DACH1: variants seen among roughly 807,000 people sequenced by gnomAD.
DACH1 encodes the protein dachshund homolog 1.
Under a neutral mutation model 54.2 loss-of-function variants are expected in DACH1, and 12 were observed. That is an observed-to-expected ratio of 0.22 (90% CI 0.14 to 0.36). The LOEUF is 0.36. Ranked by LOEUF, DACH1 falls within the 10% of genes least tolerant of loss-of-function variation. The probability of loss-of-function intolerance (pLI) is 1.00; values close to 1 mark genes in which losing one functional copy is unlikely to be tolerated. For synonymous variants in DACH1, 386 were observed against 366.2 expected, an observed-to-expected ratio of 1.05 and a Z score of -0.62; for missense variants, 805 against 929.8, an observed-to-expected ratio of 0.87 and a Z score of 1.75.
At chr13:71,458,303 A>T (rs1875765307) in intron 10 of DACH1, among the ~76,000 whole-genome samples, 1 of 151,834 alleles carries the variant, frequency 6.6e-6, no homozygotes, top group African/African-American at 2.4e-5. Flanking sequence ...GTTTGCAAAA[A>T]TTTTGCAAAA....
At chr13:71,799,025 C>G (rs1353953022) in intron 1 of DACH1, among the ~76,000 whole-genome samples, 2 of 152,018 alleles carry the variant, frequency 1.3e-5, no homozygotes, top group Non-Finnish European at 2.9e-5. Context: ...AGAAGCATTC[C>G]AGAGACACAA....
At chr13:71,623,318 T>C (rs1445240154) in intron 3 of DACH1, among the ~76,000 whole-genome samples, 1 of 151,692 alleles carries the variant, frequency 6.6e-6, no homozygotes, top group Non-Finnish European at 1.5e-5. Context: ...TGATCAGTTA[T>C]TAATATACTC....
At chr13:71,609,572 T>C (rs1330973024) in intron 3 of DACH1, among the ~76,000 whole-genome samples, 4 of 152,052 alleles carry the variant, frequency 2.6e-5, no homozygotes, top group African/African-American at 9.6e-5. Flanking sequence ...GGAGTTTTGC[T>C]CTTGTAGCCC....
chr13:71,791,308 C>G lies in DACH1; in HGVS notation c.848+74614G>C, dbSNP rs149658920. 1.8e-4 allele frequency among the ~76,000 whole-genome samples: 28 copies of G among 152,218 alleles called. No individual in the cohort carries two copies. In the East Asian group the frequency reaches 2.7e-3, roughly 15 times the overall value. Reference sequence around the variant, plus strand: ...GAAATATTATCTTCTGAGGCTAATGCAGATTATTTTCTTGATAATTTATTT... The same window carrying G: ...GAAATATTATCTTCTGAGGCTAATGGAGATTATTTTCTTGATAATTTATTT... On this transcript the variant is annotated intron_variant, in intron 1 of 10. Coordinates refer to ENST00000613252, the MANE Select transcript of DACH1 (RefSeq NM_080759.6).
chr13:71,523,387 TA>T (rs564324398), intron 6 of DACH1, among the ~76,000 whole-genome samples: 1 of 152,198 alleles, frequency 6.6e-6, no homozygotes. Context: ...GGTGAGCTGC[TA>T]AAAGGGGCAG....
chr13:71,440,819 C>A, intron 10 of DACH1, 127 bp from the exon 11 acceptor site: 1 of 666,156 alleles, frequency 1.5e-6, no homozygotes, highest in Non-Finnish European at 2.5e-6. Flanking sequence ...TAAGAAGTAA[C>A]ATTTTTCATA....
At chr13:71,651,674 CTGTATCTGTATA>C (rs55723828) in intron 2 of DACH1, among the ~76,000 whole-genome samples, 22,894 of 135,042 alleles carry the variant, frequency 0.17, 1,861 homozygotes, top group African/African-American at 0.26. Context: ...GTATCTGTAT[CTGTATCTGTATA>C]TGTATATGTA....
At chr13:71,746,757 A>C (rs1884618689) in intron 1 of DACH1, among the ~76,000 whole-genome samples, 1 of 152,204 alleles carries the variant, frequency 6.6e-6, no homozygotes, top group East Asian at 1.9e-4. Flanking sequence ...GTAAGGTTAG[A>C]GAAGTTTCTG....
intron 1 of DACH1, among the ~76,000 whole-genome samples, chr13:71,722,949 T>C (rs1031941730): frequency 3.3e-5 from 5 of 152,118 alleles, no homozygotes; most frequent in Admixed American, 3.3e-4. Flanking sequence ...AATATCTCTG[T>C]TATTTGGAGA....
chr13:71,715,455 G>C (rs974298793), intron 1 of DACH1, among the ~76,000 whole-genome samples: 2 of 152,086 alleles, frequency 1.3e-5, no homozygotes, highest in Non-Finnish European at 2.9e-5. Context: ...ATGCTGCTCT[G>C]TTCAGGGTAC....
intron 10 of DACH1, among the ~76,000 whole-genome samples, chr13:71,470,622 C>T (rs1593744927): frequency 6.6e-6 from 1 of 151,988 alleles, no homozygotes; most frequent in African/African-American, 2.4e-5. Flanking sequence ...CCACCGCACC[C>T]GGTCTAATTC....
At chr13:71,846,125 G>T in intron 1 of DACH1, 1 of 177,878 alleles carries the variant, frequency 5.6e-6, no homozygotes, top group Non-Finnish European at 1.3e-5. Context: ...GGCAAGAGAT[G>T]CGCTTATGTA....
rs183374193 is a variant in DACH1, at chr13:71,725,834, G to A, written c.849-43924C>T. On this transcript the variant is annotated intron_variant, in intron 1 of 10. Coordinates refer to ENST00000613252, the MANE Select transcript of DACH1 (RefSeq NM_080759.6). ...ATTTAAGGAAAGCATGCTTACACAT[G>A]ATTGATCTCTTAGAAAGCTGCATGG... Among the ~76,000 whole-genome samples the A allele has an allele frequency of 4.2e-3, 639 of 152,204 alleles. 4 individuals carry two copies. The highest frequency in any genetic ancestry group is 6.8e-3 in the Admixed American group (104 of 15,272).
At chr13:71,682,471 G>A (rs138527874) in intron 1 of DACH1, among the ~76,000 whole-genome samples, 57 of 152,196 alleles carry the variant, frequency 3.7e-4, no homozygotes, top group African/African-American at 1.2e-3. Context: ...TTATTACTTC[G>A]CACTGCTAGC....
intron 6 of DACH1, among the ~76,000 whole-genome samples, chr13:71,544,177 T>C (rs1156857694): frequency 1.3e-5 from 2 of 152,136 alleles, no homozygotes; most frequent in East Asian, 3.9e-4. Flanking sequence ...TAGAAAGAAC[T>C]ATATCTATTG....
intron 1 of DACH1, among the ~76,000 whole-genome samples, chr13:71,739,111 C>T (rs1312732219): frequency 2.0e-5 from 3 of 151,750 alleles, no homozygotes; most frequent in African/African-American, 7.3e-5. Flanking sequence ...AAATTAGCTG[C>T]CGTAGTGGTG....
intron 4 of DACH1, among the ~76,000 whole-genome samples, chr13:71,569,774 C>G (rs1885094236): frequency 6.6e-6 from 1 of 152,110 alleles, no homozygotes; most frequent in South Asian, 2.1e-4. Flanking sequence ...TAAGTCTTGT[C>G]ATTACTCTTA....
intron 2 of DACH1, among the ~76,000 whole-genome samples, chr13:71,656,518 T>C (rs1055337894): frequency 6.6e-6 from 1 of 152,066 alleles, no homozygotes; most frequent in Non-Finnish European, 1.5e-5. Context: ...GTTTGATTTA[T>C]CTTACCCAAA....
chr13:71,828,553 T>C (rs769772823), intron 1 of DACH1, among the ~76,000 whole-genome samples: 1 of 151,552 alleles, frequency 6.6e-6, no homozygotes, highest in Non-Finnish European at 1.5e-5. Flanking sequence ...CACAAAAGCA[T>C]GTATTCAACC....
Sources: allele counts gnomAD v4.1 joint callset (sites outside exome capture counted in the v4.1 genomes callset), GRCh38; gene constraint gnomAD v4.1.1; transcripts MANE v1.5; gene names NCBI Gene and HGNC (gene_info 2026-07-23, HGNC 2026-07-21).